THSD7A: variants seen among roughly 807,000 people sequenced by gnomAD.
THSD7A encodes thrombospondin type-1 domain-containing protein 7A.
In THSD7A, 96 loss-of-function variants were observed where a neutral mutation model predicts 231.3. The ratio of observed to expected loss-of-function variants is 0.41; its 90% CI spans 0.35 to 0.49. The LOEUF (loss-of-function observed/expected upper bound fraction) is 0.49. THSD7A is among the 20% of genes least tolerant of loss of function. THSD7A has a pLI of 0.05. For missense variants in THSD7A, 2,290 were observed against 2,070.2 expected, an observed-to-expected ratio of 1.11 and a Z score of -2.06; for synonymous variants, 940 against 743.3, an observed-to-expected ratio of 1.26 and a Z score of -4.30.
chr7:11,638,163 A>T (rs1446074841), intron 1 of THSD7A, among the ~76,000 whole-genome samples: 2 of 152,220 alleles, frequency 1.3e-5, no homozygotes, highest in Non-Finnish European at 2.9e-5. Flanking sequence ...GGGATTATGC[A>T]TAAGATTATG....
At chr7:11,424,469 T>TA (rs1361486964) in intron 16 of THSD7A, among the ~76,000 whole-genome samples, 4 of 152,230 alleles carry the variant, frequency 2.6e-5, no homozygotes, top group African/African-American at 7.2e-5. Flanking sequence ...TCCTTCTCTT[T>TA]AAGAGTATTT....
At chr7:11,569,870 G>C (rs1035020458) in intron 4 of THSD7A, among the ~76,000 whole-genome samples, 1 of 152,142 alleles carries the variant, frequency 6.6e-6, no homozygotes, top group African/African-American at 2.4e-5. Context: ...TATGTCATTT[G>C]CAGCTACATG....
chr7:11,801,088 G>A (rs568663704), intron 1 of THSD7A, among the ~76,000 whole-genome samples: 2 of 152,150 alleles, frequency 1.3e-5, no homozygotes, highest in African/African-American at 4.8e-5. Flanking sequence ...GATCTCTTGG[G>A]CCCAGGAATT....
At chr7:11,543,795 T>A (rs1789253295) in intron 4 of THSD7A, among the ~76,000 whole-genome samples, 1 of 151,398 alleles carries the variant, frequency 6.6e-6, no homozygotes, top group Non-Finnish European at 1.5e-5. Flanking sequence ...TGTGGATAAA[T>A]GTTGCTTGTC....
In THSD7A at chr7:11,406,258, G is replaced by GA; in HGVS notation, c.4237+41dup. ...AACCCCTTCACGGCCCTTGTCCTAG[G>GA]AAAAAATAATCAGAATATGAATTCT... On this transcript the variant is annotated intron_variant, in intron 22 of 27. Transcript: ENST00000423059. This position sits in a 1 kb window ranked among gnomAD's most constrained non-coding sequence, Gnocchi z 4.7. The GA allele has an allele frequency of 2.6e-6, 4 of 1,557,346 alleles. No homozygotes were observed. Among genetic ancestry groups the GA allele is most frequent in the Non-Finnish European group, 3.5e-6 (4 of 1,153,750 alleles).
chr7:11,520,414 A>G (rs1317842241), intron 6 of THSD7A, among the ~76,000 whole-genome samples: 1 of 152,184 alleles, frequency 6.6e-6, no homozygotes, highest in Non-Finnish European at 1.5e-5. Flanking sequence ...TATTACTTCT[A>G]TAAGTTTTGA....
At chr7:11,745,516 GC>G (rs1440461505) in intron 1 of THSD7A, among the ~76,000 whole-genome samples, 1 of 151,978 alleles carries the variant, frequency 6.6e-6, no homozygotes, top group African/African-American at 2.4e-5. Context: ...TGAAGTCCTT[GC>G]CCATGCCTAT....
chr7:11,779,247 T>A (rs1783545487), intron 1 of THSD7A, among the ~76,000 whole-genome samples: 1 of 152,198 alleles, frequency 6.6e-6, no homozygotes, highest in African/African-American at 2.4e-5. Context: ...CATCCACCTT[T>A]CAGAAAAGTC....
chr7:11,644,548 A>G (rs940852249), intron 1 of THSD7A, among the ~76,000 whole-genome samples: 1 of 151,980 alleles, frequency 6.6e-6, no homozygotes, highest in African/African-American at 2.4e-5. Context: ...GGATAAGGAG[A>G]GATCACTGTA....
At chr7:11,485,891 C>T (rs1482954375) in intron 6 of THSD7A, among the ~76,000 whole-genome samples, 1 of 152,144 alleles carries the variant, frequency 6.6e-6, no homozygotes, top group African/African-American at 2.4e-5. Flanking sequence ...GAACAAACAG[C>T]AACTGATCTA....
Position 11,831,825 on chromosome 7 carries a change from C to A in THSD7A, c.122G>T (p.Arg41Leu), listed in dbSNP as rs920619254. 7.6e-6 allele frequency: 11 copies of A among 1,438,678 alleles called. No homozygotes were observed. Among genetic ancestry groups the A allele is most frequent in the African/African-American group, 1.5e-5 (1 of 68,394 alleles). 89.1% of individuals were successfully genotyped at this position (1,438,678 alleles called of 1,614,324 possible). A position where few individuals can be genotyped will look rare whatever the true frequency, so the allele number is the denominator to read the frequency against. The part of the protein sequence containing the change: ...PLPLLLLLLL[R>L]PGAGRAAAQG... ...CGCCGCAGCCCTGCCGGCGCCCGGG[C>A]GTAGCAGCAGCAGCAGGAGCAGCGG... The change falls in exon 1 of 28, where the codon CGC (arginine) becomes CTC (leucine). Residue 41 changes from arginine (R) to leucine (L), a missense_variant. By Grantham distance (102) the Arg-to-Leu change is moderately radical (BLOSUM62 -2). Coordinates refer to ENST00000423059, the MANE Select transcript of THSD7A (RefSeq NM_015204.3). The surrounding 1 kb of genome is among the most constrained non-coding windows in gnomAD (Gnocchi z 5.0).
chr7:11,383,288 A>T lies in THSD7A; in HGVS notation c.4412-672T>A, dbSNP rs377359583. Among the ~76,000 whole-genome samples the T allele has an allele frequency of 1.3e-3, 192 of 152,190 alleles. 1 individual carries two copies. The highest frequency in any genetic ancestry group is 0.01 in the Middle Eastern group (3 of 294). Reference sequence around the variant, plus strand: ...GAAATACTTCTAAGTGATTTTAAAAAATGTAGTACAGTCAGTTTATTTTAA... The same window carrying T: ...GAAATACTTCTAAGTGATTTTAAAATATGTAGTACAGTCAGTTTATTTTAA... On this transcript the variant is annotated intron_variant, in intron 23 of 27. Coordinates refer to ENST00000423059, the MANE Select transcript of THSD7A (RefSeq NM_015204.3).
At chr7:11,456,847 G>A (rs962898698) in intron 11 of THSD7A, among the ~76,000 whole-genome samples, 6 of 151,928 alleles carry the variant, frequency 3.9e-5, no homozygotes, top group Non-Finnish European at 5.9e-5. Context: ...TCCTGGTATG[G>A]ACATATAGAT....
chr7:11,459,067 G>A (rs1189445724), intron 11 of THSD7A, among the ~76,000 whole-genome samples: 1 of 152,108 alleles, frequency 6.6e-6, no homozygotes, highest in Admixed American at 6.6e-5. Context: ...ATTTCCTCCA[G>A]TGGTGTTTTA....
At chr7:11,596,571 G>T (rs1465557652) in intron 2 of THSD7A, among the ~76,000 whole-genome samples, 2 of 152,194 alleles carry the variant, frequency 1.3e-5, no homozygotes, top group Non-Finnish European at 2.9e-5. Context: ...CATTAGAGCT[G>T]CCTCTACCTA....
chr7:11,418,434 G>A (rs1407994137), intron 16 of THSD7A, among the ~76,000 whole-genome samples: 2 of 152,152 alleles, frequency 1.3e-5, no homozygotes, highest in Non-Finnish European at 2.9e-5. Flanking sequence ...GGGCACTTAA[G>A]TATTATAGCA....
At chr7:11,617,061 T>C (rs536579721) in intron 2 of THSD7A, among the ~76,000 whole-genome samples, 1 of 152,312 alleles carries the variant, frequency 6.6e-6, no homozygotes, top group Middle Eastern at 3.4e-3. Flanking sequence ...TAGCTGTAAG[T>C]TGTATACACA....
At chr7:11,642,983 G>A (rs753804103) in intron 1 of THSD7A, among the ~76,000 whole-genome samples, 2 of 152,000 alleles carry the variant, frequency 1.3e-5, no homozygotes, top group Admixed American at 6.6e-5. Context: ...ACAATAAAAG[G>A]TTGAGTCTAT....
intron 1 of THSD7A, among the ~76,000 whole-genome samples, chr7:11,681,567 A>AT (rs145602827): frequency 4.0e-5 from 6 of 151,658 alleles, no homozygotes; most frequent in Admixed American, 6.6e-5. Context: ...AGACAAAATA[A>AT]TTTTTTTTTA....
Sources: gnomAD v4.1 joint callset for allele counts (sites outside exome capture counted in the v4.1 genomes callset) on GRCh38, gnomAD v4.1.1 for gene constraint, Gnocchi (gnomAD v3.1) non-coding constraint, MANE v1.5 for transcripts, NCBI Gene and HGNC (gene_info 2026-07-23, HGNC 2026-07-21) for gene names.